Variants in POLD3 observed in about 807,000 individuals in gnomAD.
The protein encoded by POLD3 is DNA polymerase delta 3, accessory subunit.
Under a neutral mutation model 58.2 loss-of-function variants are expected in POLD3, and 19 were observed. That is an observed-to-expected ratio of 0.33 (90% CI 0.23 to 0.48). The LOEUF is 0.48. Ranked by LOEUF, POLD3 falls within the 20% of genes least tolerant of loss-of-function variation. The probability of loss-of-function intolerance (pLI) is 0.99; values close to 1 mark genes in which losing one functional copy is unlikely to be tolerated. For synonymous variants in POLD3, 172 were observed against 193.5 expected (o/e 0.89, Z 0.92); for missense variants, 504 against 545.5 (o/e 0.92, Z 0.76).
intron 3 of POLD3, among the ~76,000 whole-genome samples, chr11:74,607,678 T>A (rs1444371803): frequency 2.0e-5 from 3 of 151,850 alleles, no homozygotes; most frequent in African/African-American, 7.3e-5. Flanking sequence ...ATCTCTTGGG[T>A]TTAAGCCATC....
At chr11:74,656,273 T>C (rs1364178269) in intron 4 of POLD3, among the ~76,000 whole-genome samples, 1 of 152,202 alleles carries the variant, frequency 6.6e-6, no homozygotes, top group Non-Finnish European at 1.5e-5. Context: ...TTATATGTTG[T>C]GTTTCCATTA....
chr11:74,609,345 G>GATAT lies in POLD3; in HGVS notation c.220-2129_220-2126dup, dbSNP rs1227959905. On this transcript the variant is annotated intron_variant, in intron 3 of 11. Transcript: ENST00000263681. ...TTTGCCTTCTCCTTCCATTGTTTTT[G>GATAT]ATATATATATATATATATATATATA... Among the ~76,000 whole-genome samples, 149 of 42,616 alleles carry GATAT rather than the reference G, an allele frequency of 3.5e-3. 3 individuals carry two copies. Among genetic ancestry groups the GATAT allele is most frequent in the African/African-American group, 5.8e-3 (45 of 7,754 alleles). The allele number at this position is 42,616 out of a possible 152,430, so 28.0% of individuals were successfully genotyped here.
intron 10 of POLD3, among the ~76,000 whole-genome samples, chr11:74,635,026 C>T (rs1416765047): frequency 2.0e-5 from 3 of 152,128 alleles, no homozygotes; most frequent in African/African-American, 7.2e-5. Context: ...CAGAGCAACA[C>T]GTGAAAGACA....
intron 2 of POLD3, among the ~76,000 whole-genome samples, chr11:74,598,978 T>G (rs1020910637): frequency 6.6e-5 from 10 of 152,226 alleles, no homozygotes; most frequent in Non-Finnish European, 1.5e-4. Context: ...TTATTCTGTC[T>G]TCAGTGTCAG....
intron 7 of POLD3, among the ~76,000 whole-genome samples, chr11:74,620,656 TTAAG>T (rs1188052762): frequency 6.6e-6 from 1 of 152,220 alleles, no homozygotes; most frequent in Non-Finnish European, 1.5e-5. Flanking sequence ...AAAAAGATAC[TTAAG>T]TAAGAATTCT....
chr11:74,664,444 T>C (rs1349711235), intron 4 of POLD3, among the ~76,000 whole-genome samples: 1 of 152,164 alleles, frequency 6.6e-6, no homozygotes, highest in African/African-American at 2.4e-5. Flanking sequence ...CAATAAAAAG[T>C]ATAAATTCTA....
chr11:74,592,691 C>G lies in POLD3; in HGVS notation c.33C>G (p.Asp11Glu), dbSNP rs774526199. 10 of 1,614,004 alleles carry G rather than the reference C, an allele frequency of 6.2e-6. No individual in the cohort carries two copies. In the South Asian group the frequency reaches 6.6e-5, roughly 11 times the overall value. Residue 11 changes from aspartate (D) to glutamate (E), a missense_variant, in exon 1 of 12, where the codon GAC becomes GAG. Around this residue, in one of 2 missense-constraint regions of POLD3, gnomAD observed 119 missense variants for 175.0 expected, o/e 0.68. Transcript: ENST00000263681. Reference protein sequence around the residue: MADQLYLENIDEFVTDQNKIV... With the variant: MADQLYLENIEEFVTDQNKIV... Reference sequence around the variant, plus strand: ...ACCAGCTTTATCTGGAAAATATAGACGAGTTCGTCACGGACCAAAACAAGA... The same window carrying G: ...ACCAGCTTTATCTGGAAAATATAGAGGAGTTCGTCACGGACCAAAACAAGA...
rs2032919283 is a variant in POLD3 at position 74,641,728 on chromosome 11, A to G, written c.*962A>G. ...AGAAAACAGAATATTCAAAAACAGCACTTTTCCAGGAAGTTAGTGAGGAAG... is the reference window on the plus strand; with the variant it reads ...AGAAAACAGAATATTCAAAAACAGCGCTTTTCCAGGAAGTTAGTGAGGAAG... On this transcript the variant is annotated 3_prime_UTR_variant, in exon 12 of 12. Transcript: ENST00000263681. 1.0e-6 allele frequency: 1 copy of G among 985,268 alleles called. No individual in the cohort carries two copies. Among genetic ancestry groups the G allele is most frequent in the Non-Finnish European group, 1.2e-6 (1 of 829,830 alleles). 61.0% of individuals were successfully genotyped at this position (985,268 alleles called of 1,614,324 possible).
rs781652079 is a variant in POLD3, at chr11:74,629,247, G to A, written c.930G>A (p.Glu310=). 5.6e-6 allele frequency: 9 copies of A among 1,606,408 alleles called. No homozygotes were observed. In the Admixed American group the frequency reaches 1.5e-4, roughly 27 times the overall value. The change falls in exon 9 of 12, where the codon GAG becomes GAA. Residue 310 remains glutamate, a synonymous_variant. Coordinates refer to ENST00000263681, the MANE Select transcript of POLD3 (RefSeq NM_006591.3). The part of the protein sequence containing the change: ...RGKRVALSDD[E]TKETENMRKK... The stretch of plus-strand genomic sequence containing the variant: ...AGCGAGTAGCATTATCTGATGATGA[G>A]ACAAAGGAAACTGAAAACATGAGGA...
chr11:74,618,458 G>GTT, intron 5 of POLD3, 79 bp from the exon 6 acceptor site: 68 of 919,336 alleles, frequency 7.4e-5, no homozygotes, highest in Middle Eastern at 2.3e-4. Context: ...ACTGACATTA[G>GTT]TTTTTTTTTT....
In POLD3 at chr11:74,642,796, T is replaced by A. The variant is rs2032947853; in HGVS notation, c.*2030T>A. 1.0e-6 allele frequency: 1 copy of A among 985,222 alleles called. No homozygotes were observed. Among genetic ancestry groups the A allele is most frequent in the South Asian group, 4.7e-5 (1 of 21,294 alleles). 61.0% of individuals were successfully genotyped at this position (985,222 alleles called of 1,614,324 possible). ...GTAACAGTGTTGCAATTATTTAAGCTCTGAATGGGAAGAAGGCTGGTTTTC... is the reference window on the plus strand; with the variant it reads ...GTAACAGTGTTGCAATTATTTAAGCACTGAATGGGAAGAAGGCTGGTTTTC... On this transcript the variant is annotated 3_prime_UTR_variant, in exon 12 of 12. Transcript: ENST00000263681.
At chr11:74,610,806 A>T (rs1299475781) in intron 3 of POLD3, among the ~76,000 whole-genome samples, 1 of 151,344 alleles carries the variant, frequency 6.6e-6, no homozygotes, top group Admixed American at 6.6e-5. Flanking sequence ...ACCAAGTCTC[A>T]CTCTGTCACC....
intron 4 of POLD3, among the ~76,000 whole-genome samples, chr11:74,650,958 C>G (rs776988981): frequency 1.3e-5 from 2 of 152,200 alleles, no homozygotes; most frequent in Non-Finnish European, 2.9e-5. Flanking sequence ...TTGTTTACTT[C>G]GGGCAGACAG....
intron 3 of POLD3, among the ~76,000 whole-genome samples, chr11:74,605,884 G>A (rs1408233984): frequency 1.3e-5 from 2 of 152,102 alleles, no homozygotes; most frequent in Non-Finnish European, 2.9e-5. Flanking sequence ...AGGAGTTCGA[G>A]ACCAACCTGG....
At chr11:74,669,059 G>A (rs1296762469) in exon 5 of POLD3, 1 of 289,040 alleles carries the variant, frequency 3.5e-6, no homozygotes, top group Non-Finnish European at 6.7e-6. Context: ...GTGTGGTGCA[G>A]GGACAAGACT....
At chr11:74,638,470 A>C (rs1303223514) in intron 11 of POLD3, 1 of 350,640 alleles carries the variant, frequency 2.9e-6, no homozygotes, top group Non-Finnish European at 5.6e-6. Context: ...TACAGAATAT[A>C]GCTTATGAAG....
chr11:74,609,576 C>T (rs1178529684), intron 3 of POLD3, among the ~76,000 whole-genome samples: 2 of 150,930 alleles, frequency 1.3e-5, no homozygotes, highest in Admixed American at 6.6e-5. Context: ...AGAGACGGGG[C>T]TTTGCCATCT....
intron 4 of POLD3, among the ~76,000 whole-genome samples, chr11:74,655,715 C>T (rs2033125820): frequency 6.6e-6 from 1 of 151,222 alleles, no homozygotes; most frequent in Admixed American, 6.6e-5. Context: ...ACATCCTCAA[C>T]CTGCTAAATG....
At chr11:74,664,541 T>A (rs1591331735) in intron 4 of POLD3, among the ~76,000 whole-genome samples, 2 of 152,260 alleles carry the variant, frequency 1.3e-5, no homozygotes, top group East Asian at 3.9e-4. Context: ...CAACTTACTC[T>A]ATGAGGTCAG....
Sources: gnomAD v4.1 joint callset for allele counts (sites outside exome capture counted in the v4.1 genomes callset) on GRCh38, gnomAD v4.1.1 for gene constraint, gnomAD v4.1.1 regional missense constraint, MANE v1.5 for transcripts, NCBI Gene and HGNC (gene_info 2026-07-23, HGNC 2026-07-21) for gene names.